CADM2: variants seen among roughly 807,000 people sequenced by gnomAD.
CADM2 encodes cell adhesion molecule 2.
In CADM2, 12 loss-of-function variants were observed where a neutral mutation model predicts 49.8. That is an observed-to-expected ratio of 0.24 (90% CI 0.15 to 0.39). The LOEUF (loss-of-function observed/expected upper bound fraction) is 0.39, where lower values mean the gene tolerates loss of function less well. Ranked by LOEUF, CADM2 falls within the 10% of genes least tolerant of loss-of-function variation. The pLI is 1.00. For missense variants in CADM2, 378 were observed against 492.3 expected (o/e 0.77, Z 2.20); for synonymous variants, 214 against 175.4 (o/e 1.22, Z -1.74).
At chr3:85,058,776 T>C (rs932493728) in intron 1 of CADM2, among the ~76,000 whole-genome samples, 8 of 152,168 alleles carry the variant, frequency 5.3e-5, no homozygotes, top group Admixed American at 2.6e-4. Flanking sequence ...TTGGTGCTTA[T>C]AACTGATTGT....
chr3:85,886,416 A>G (rs1027793925), intron 5 of CADM2, 89 bp downstream of exon 5: 2 of 969,190 alleles, frequency 2.1e-6, no homozygotes, highest in Non-Finnish European at 3.2e-6. Flanking sequence ...ATTTTTCAAA[A>G]CATAGTGTCT....
intron 1 of CADM2, among the ~76,000 whole-genome samples, chr3:84,976,218 G>T (rs1190526845): frequency 6.6e-6 from 1 of 151,662 alleles, no homozygotes; most frequent in East Asian, 1.9e-4. Context: ...TTGTGAATTT[G>T]TCATATCTAC....
rs905748679 is a variant in CADM2, at chr3:84,959,482, C to A, written c.-126C>A. On this transcript the variant is annotated 5_prime_UTR_variant, in exon 1 of 10. Transcript: ENST00000383699. ...GAGTCCGCGGGTTCGAACACCGCAG[C>A]GGTGGGGACGGTGGGTCCGGCGGGC... The A allele has an allele frequency of 3.4e-6, 3 of 884,884 alleles. No homozygotes were observed. Among genetic ancestry groups the A allele is most frequent in the Admixed American group, 4.7e-5 (2 of 42,318 alleles). The allele number at this position is 884,884 out of a possible 1,614,324, so 54.8% of individuals were successfully genotyped here.
At chr3:85,386,299 G>A (rs894378236) in intron 1 of CADM2, among the ~76,000 whole-genome samples, 1 of 152,144 alleles carries the variant, frequency 6.6e-6, no homozygotes, top group Non-Finnish European at 1.5e-5. Context: ...TGTAGGGAAC[G>A]TGGTCCAACC....
chr3:85,023,913 GA>G (rs1418121997), intron 1 of CADM2, among the ~76,000 whole-genome samples: 1 of 151,936 alleles, frequency 6.6e-6, no homozygotes, highest in Non-Finnish European at 1.5e-5. Flanking sequence ...TTTATGTTAA[GA>G]TAAGTTTGGG....
At chr3:86,014,427 T>C in intron 8 of CADM2, 1 of 1,483,428 alleles carries the variant, frequency 6.7e-7, no homozygotes, top group Non-Finnish European at 9.0e-7. Context: ...TATTGAAGTT[T>C]ATCATGAATT....
intron 1 of CADM2, among the ~76,000 whole-genome samples, chr3:85,379,201 T>C (rs1181653682): frequency 2.0e-5 from 3 of 151,972 alleles, no homozygotes; most frequent in Non-Finnish European, 2.9e-5. Flanking sequence ...AATTTCATGA[T>C]GATTGCTTAA....
At chr3:85,945,296 A>C (rs1181256734) in intron 7 of CADM2, among the ~76,000 whole-genome samples, 1 of 152,108 alleles carries the variant, frequency 6.6e-6, no homozygotes, top group Non-Finnish European at 1.5e-5. Flanking sequence ...AGAGCTTACC[A>C]ACAAAAAAAA....
chr3:85,169,937 T>C (rs2040574439), intron 1 of CADM2, among the ~76,000 whole-genome samples: 1 of 152,216 alleles, frequency 6.6e-6, no homozygotes. Context: ...GAATTATTCA[T>C]TCACAGAAAC....
intron 1 of CADM2, among the ~76,000 whole-genome samples, chr3:84,984,048 T>TATATATATAC (rs1224516135): frequency 2.2e-4 from 31 of 143,234 alleles, no homozygotes; most frequent in African/African-American, 8.1e-4. Flanking sequence ...TATATATATA[T>TATATATATAC]ACACACACAC....
chr3:85,946,608 A>G (rs979027991), intron 7 of CADM2, among the ~76,000 whole-genome samples: 2 of 152,064 alleles, frequency 1.3e-5, no homozygotes, highest in Non-Finnish European at 2.9e-5. Flanking sequence ...ATATAGACCA[A>G]TGGAACAGAA....
chr3:85,822,562 C>T (rs772142549), intron 3 of CADM2, among the ~76,000 whole-genome samples: 3 of 151,780 alleles, frequency 2.0e-5, no homozygotes, highest in African/African-American at 7.3e-5. Context: ...CCAGCCTAGG[C>T]GACAGAGCGA....
intron 1 of CADM2, among the ~76,000 whole-genome samples, chr3:85,265,681 A>G (rs1418151113): frequency 6.6e-6 from 1 of 151,990 alleles, no homozygotes. Context: ...ACTTTGGGGG[A>G]CACATTCAAA....
At chr3:85,138,988 A>G (rs1040173768) in intron 1 of CADM2, among the ~76,000 whole-genome samples, 5 of 152,188 alleles carry the variant, frequency 3.3e-5, no homozygotes, top group Non-Finnish European at 4.4e-5. Flanking sequence ...AACACAGCAC[A>G]TTTGAGTTCT....
intron 1 of CADM2, among the ~76,000 whole-genome samples, chr3:85,186,688 A>G (rs899862877): frequency 6.6e-6 from 1 of 151,962 alleles, no homozygotes; most frequent in Non-Finnish European, 1.5e-5. Context: ...ATACAATAGT[A>G]GTCTCTCCCA....
intron 1 of CADM2, among the ~76,000 whole-genome samples, chr3:85,309,398 T>A (rs2044289662): frequency 6.6e-6 from 1 of 152,136 alleles, no homozygotes; most frequent in Non-Finnish European, 1.5e-5. Flanking sequence ...GTGCTTTCTG[T>A]CTGTGTGAGC....
chr3:85,426,229 C>A (rs976843423), intron 1 of CADM2, among the ~76,000 whole-genome samples: 1 of 151,728 alleles, frequency 6.6e-6, no homozygotes, highest in Non-Finnish European at 1.5e-5. Flanking sequence ...GCAGCCTCGA[C>A]CTCTTAGGCT....
chr3:85,477,275 CAG>C (rs1340755517), intron 1 of CADM2, among the ~76,000 whole-genome samples: 1 of 151,044 alleles, frequency 6.6e-6, no homozygotes, highest in African/African-American at 2.4e-5. Flanking sequence ...CACACACATA[CAG>C]ACACGTATTA....
chr3:85,335,193 A>G (rs1243301297), intron 1 of CADM2, among the ~76,000 whole-genome samples: 1 of 151,598 alleles, frequency 6.6e-6, no homozygotes, highest in Non-Finnish European at 1.5e-5. Flanking sequence ...TGATGTCTCA[A>G]CCTTCTGTAA....
Sources: allele counts gnomAD v4.1 joint callset (sites outside exome capture counted in the v4.1 genomes callset), GRCh38; gene constraint gnomAD v4.1.1; transcripts MANE v1.5; gene names NCBI Gene and HGNC (gene_info 2026-07-23, HGNC 2026-07-21).